Variants in MED13L observed in about 807,000 individuals in gnomAD.
MED13L encodes mediator of RNA polymerase II transcription subunit 13-like.
In MED13L, 7 loss-of-function variants were observed where a neutral mutation model predicts 220.9. The ratio of observed to expected loss-of-function variants is 0.03; its 90% CI spans 0.02 to 0.06. The LOEUF (loss-of-function observed/expected upper bound fraction) is 0.06, where lower values mean the gene tolerates loss of function less well. MED13L is among the 10% of genes least tolerant of loss of function. The pLI, the probability that MED13L is intolerant of heterozygous loss-of-function variation, is 1.00. For synonymous variants in MED13L, 1,011 were observed against 1,015.2 expected, an observed-to-expected ratio of 1.00 and a Z score of 0.08; for missense variants, 1,965 against 2,760.5, an observed-to-expected ratio of 0.71 and a Z score of 6.46.
intron 4 of MED13L, among the ~76,000 whole-genome samples, chr12:116,023,048 C>T (rs372639201): frequency 5.3e-5 from 8 of 152,172 alleles, no homozygotes; most frequent in African/African-American, 1.7e-4. Context: ...GTAACTCCAA[C>T]GTTTTGAGAG....
At chr12:116,112,334 CCT>C (rs1039991002) in intron 2 of MED13L, among the ~76,000 whole-genome samples, 3 of 152,136 alleles carry the variant, frequency 2.0e-5, no homozygotes, top group African/African-American at 7.2e-5. Context: ...AAGAAAATTT[CCT>C]CTCTTTTACT....
At chr12:116,179,690 C>CT (rs11431574) in intron 2 of MED13L, among the ~76,000 whole-genome samples, 105,087 of 148,298 alleles carry the variant, frequency 0.71, 38,644 homozygotes, top group East Asian at 0.99. Flanking sequence ...AGTGAATAAC[C>CT]TTTTTTTTTT....
intron 4 of MED13L, among the ~76,000 whole-genome samples, chr12:116,066,759 TAAAA>T (rs199896147): frequency 2.1e-5 from 3 of 140,172 alleles, no homozygotes; most frequent in African/African-American, 5.2e-5. Context: ...AAAATTGTAT[TAAAA>T]AAAAAAAAAA....
intron 1 of MED13L, among the ~76,000 whole-genome samples, chr12:116,269,543 G>T (rs1373997228): frequency 6.6e-6 from 1 of 151,176 alleles, no homozygotes; most frequent in Non-Finnish European, 1.5e-5. Context: ...AACAGTAATG[G>T]AGGCAGGGAG....
intron 11 of MED13L, chr12:116,006,917 C>A (rs886444838): frequency 9.6e-5 from 20 of 207,368 alleles, no homozygotes; most frequent in Non-Finnish European, 2.9e-5. Context: ...ACAACCAGTA[C>A]TCATTTTTAT....
At chr12:116,251,772 A>G (rs970442338) in intron 1 of MED13L, among the ~76,000 whole-genome samples, 2 of 151,482 alleles carry the variant, frequency 1.3e-5, no homozygotes, top group Non-Finnish European at 2.9e-5. Flanking sequence ...AAAAAAAAAA[A>G]GGAAGACCCA....
chr12:116,128,996 T>G (rs1875837261), intron 2 of MED13L, among the ~76,000 whole-genome samples: 1 of 152,214 alleles, frequency 6.6e-6, no homozygotes, highest in Non-Finnish European at 1.5e-5. Flanking sequence ...AGCATTTTTG[T>G]GGACGTTTTA....
intron 23 of MED13L, among the ~76,000 whole-genome samples, chr12:115,979,312 G>A (rs545454588): frequency 6.6e-6 from 1 of 152,246 alleles, no homozygotes; most frequent in South Asian, 2.1e-4. Flanking sequence ...TGTTCTGCCT[G>A]AGCATAATAA....
chr12:116,085,534 A>G (rs1044423652), intron 4 of MED13L, among the ~76,000 whole-genome samples: 3 of 152,218 alleles, frequency 2.0e-5, no homozygotes, highest in Non-Finnish European at 4.4e-5. Context: ...AGCATATGAA[A>G]TAGATTTACA....
At position 115,986,503 on chromosome 12, in the gene MED13L, G is replaced by A. The variant is rs1464314825; in HGVS notation, c.4115-14C>T. 1.9e-6 allele frequency: 3 copies of A among 1,609,788 alleles called. No individual in the cohort carries two copies. Among genetic ancestry groups the A allele is most frequent in the Middle Eastern group, 1.8e-4 (1 of 5,602 alleles). On this transcript the variant is annotated splice_polypyrimidine_tract_variant and intron_variant, in intron 18 of 30. Transcript: ENST00000281928. ...ATTCTTCCGAACCTAAAATGACATTGTAGTGTAGAAAGGTGCTAGAGAGTT... is the reference window on the plus strand; with the variant it reads ...ATTCTTCCGAACCTAAAATGACATTATAGTGTAGAAAGGTGCTAGAGAGTT...
At chr12:116,110,206 A>G (rs1277249297) in intron 3 of MED13L, 2 of 152,222 alleles carry the variant, frequency 1.3e-5, no homozygotes, top group Non-Finnish European at 2.9e-5. Context: ...CGATGGGATC[A>G]TGTCAAAAGG....
chr12:116,099,272 T>C (rs183335067), intron 3 of MED13L, among the ~76,000 whole-genome samples: 40 of 152,364 alleles, frequency 2.6e-4, no homozygotes, highest in Non-Finnish European at 5.0e-4. Flanking sequence ...TCTTTCCTTA[T>C]TTCTCAAGTC....
At chr12:116,014,000 C>A (rs1457363587) in intron 8 of MED13L, among the ~76,000 whole-genome samples, 1 of 152,166 alleles carries the variant, frequency 6.6e-6, no homozygotes, top group Non-Finnish European at 1.5e-5. Flanking sequence ...CTAGGCATTG[C>A]AGATGGAAGT....
At chr12:116,236,162 G>A (rs962919766) in intron 2 of MED13L, among the ~76,000 whole-genome samples, 1 of 152,018 alleles carries the variant, frequency 6.6e-6, no homozygotes, top group Non-Finnish European at 1.5e-5. Context: ...CATAGAACAG[G>A]CTTTGAGATG....
intron 1 of MED13L, among the ~76,000 whole-genome samples, chr12:116,246,761 G>T (rs1379012574): frequency 8.6e-6 from 1 of 116,196 alleles, no homozygotes; most frequent in Non-Finnish European, 1.8e-5. Context: ...TGGCGGGCTG[G>T]GGAGGGAGGT....
intron 26 of MED13L, among the ~76,000 whole-genome samples, chr12:115,971,811 C>G (rs908493384): frequency 2.8e-4 from 42 of 152,118 alleles, no homozygotes; most frequent in Non-Finnish European, 3.5e-4. Flanking sequence ...AAACTGGGGT[C>G]AGGTAACAGT....
chr12:115,980,401 G>A (rs1877244241), intron 23 of MED13L: 1 of 310,268 alleles, frequency 3.2e-6, no homozygotes. Flanking sequence ...ACAGCTCACT[G>A]CCATCTCAAA....
intron 17 of MED13L, among the ~76,000 whole-genome samples, chr12:115,989,919 T>C (rs901258355): frequency 3.3e-5 from 5 of 152,244 alleles, no homozygotes; most frequent in East Asian, 3.8e-4. Flanking sequence ...CCCAGAATTA[T>C]AGCCAGTGCA....
intron 2 of MED13L, among the ~76,000 whole-genome samples, chr12:116,178,795 T>C (rs964298445): frequency 6.6e-6 from 1 of 152,244 alleles, no homozygotes; most frequent in Non-Finnish European, 1.5e-5. Flanking sequence ...GAACTGAATA[T>C]TCATTCGCTT....
Sources: allele counts gnomAD v4.1 joint callset (sites outside exome capture counted in the v4.1 genomes callset), GRCh38; gene constraint gnomAD v4.1.1; transcripts MANE v1.5; gene names NCBI Gene and HGNC (gene_info 2026-07-23, HGNC 2026-07-21).